Variants in SSBP2 observed in about 807,000 individuals in gnomAD.
The protein encoded by SSBP2 is single stranded DNA binding protein 2.
A neutral mutation model predicts 61.8 loss-of-function variants in SSBP2; 17 were observed. The ratio of observed to expected loss-of-function variants is 0.28; its 90% CI spans 0.19 to 0.41. The LOEUF (loss-of-function observed/expected upper bound fraction) is 0.41. Ranked by LOEUF, SSBP2 falls within the 10% of genes least tolerant of loss-of-function variation. SSBP2 has a pLI of 1.00. For missense variants in SSBP2, 310 were observed against 458.7 expected (o/e 0.68, Z 2.96); for synonymous variants, 139 against 141.3 (o/e 0.98, Z 0.12).
chr5:81,516,059 C>A (rs2154086836), intron 4 of SSBP2, among the ~76,000 whole-genome samples: 1 of 151,856 alleles, frequency 6.6e-6, no homozygotes, highest in African/African-American at 2.4e-5. Flanking sequence ...GTAAAACAAA[C>A]AAAATATATT....
At chr5:81,676,413 C>T (rs1276825527) in intron 1 of SSBP2, among the ~76,000 whole-genome samples, 2 of 152,064 alleles carry the variant, frequency 1.3e-5, no homozygotes, top group Non-Finnish European at 2.9e-5. Flanking sequence ...GGAGAGGGGC[C>T]AGATATGTAA....
rs371534607 is a variant in SSBP2 at position 81,426,544 on chromosome 5, GGGGT to G, written c.1056+2037_1056+2040del. On this transcript the variant is annotated intron_variant, in intron 16 of 16. Transcript: ENST00000320672. ...GGCAGGGAGGGTGAGCCAGAAGTTAGGGGTGGAAGAAGCCTTGTTCCAGCTGCTC... is the reference window on the plus strand; with the variant it reads ...GGCAGGGAGGGTGAGCCAGAAGTTAGGGAAGAAGCCTTGTTCCAGCTGCTC... Among the ~76,000 whole-genome samples the G allele has an allele frequency of 2.7e-4, 41 of 152,324 alleles. 1 individual carries two copies. The East Asian group carries it at 5.8e-3, about 21-fold the overall frequency.
rs377244756 is a variant in SSBP2, at chr5:81,703,914, C to CA, written c.62+47066dup. Among the ~76,000 whole-genome samples, 835 of 152,210 alleles carry CA rather than the reference C, an allele frequency of 5.5e-3. 8 individuals are homozygous for CA. Among genetic ancestry groups the CA allele is most frequent in the African/African-American group, 0.019 (772 of 41,522 alleles). ...TTGTTTTATAGTAAATAGAATGAGG[C>CA]AGAGCTGAAGATACTTGCTACCTAA... On this transcript the variant is annotated intron_variant, in intron 1 of 16. Coordinates refer to ENST00000320672, the MANE Select transcript of SSBP2 (RefSeq NM_012446.5).
At chr5:81,709,938 G>A (rs1754655654) in intron 1 of SSBP2, among the ~76,000 whole-genome samples, 6 of 151,864 alleles carry the variant, frequency 4.0e-5, no homozygotes, top group Admixed American at 3.9e-4. Context: ...AGCATATCAG[G>A]AGAAGAAAAA....
chr5:81,458,122 C>T (rs535368485), intron 10 of SSBP2, among the ~76,000 whole-genome samples: 10 of 152,260 alleles, frequency 6.6e-5, no homozygotes, highest in African/African-American at 2.4e-4. Context: ...CAAACAACCT[C>T]CCGCTCCAAA....
At chr5:81,751,326 C>G, upstream of SSBP2, 1 of 546,980 alleles carries the variant, frequency 1.8e-6, no homozygotes, top group Admixed American at 3.3e-5. Flanking sequence ...CCGCTCTCCT[C>G]CCTCCACCCG....
intron 4 of SSBP2, among the ~76,000 whole-genome samples, chr5:81,584,497 A>C (rs1484673694): frequency 6.6e-6 from 1 of 152,186 alleles, no homozygotes; most frequent in Non-Finnish European, 1.5e-5. Flanking sequence ...ATGTTGCAAG[A>C]GAACAAAATA....
chr5:81,445,665 G>T (rs751801713), intron 12 of SSBP2, among the ~76,000 whole-genome samples: 10 of 152,002 alleles, frequency 6.6e-5, no homozygotes, highest in Non-Finnish European at 1.2e-4. Context: ...TAAATTGAAA[G>T]GGCTCAAAAT....
chr5:81,748,198 T>A (rs1757475968), intron 1 of SSBP2, among the ~76,000 whole-genome samples: 1 of 152,210 alleles, frequency 6.6e-6, no homozygotes, highest in South Asian at 2.1e-4. Flanking sequence ...ATGCTATTAT[T>A]TATAATAATG....
At chr5:81,653,741 CTTCTT>C (rs1325628592) in intron 1 of SSBP2, among the ~76,000 whole-genome samples, 1 of 152,194 alleles carries the variant, frequency 6.6e-6, no homozygotes, top group South Asian at 2.1e-4. Context: ...GCATAAATGT[CTTCTT>C]TTGAGAAGTA....
chr5:81,545,934 A>G (rs2973342), intron 4 of SSBP2, among the ~76,000 whole-genome samples: 26,783 of 152,170 alleles, frequency 0.18, 3,049 homozygotes, highest in Non-Finnish European at 0.25. Flanking sequence ...AGCTAGACAG[A>G]TGAAATTTCC....
chr5:81,513,079 T>C (rs1490208616), intron 5 of SSBP2, among the ~76,000 whole-genome samples: 2 of 152,086 alleles, frequency 1.3e-5, no homozygotes, highest in African/African-American at 4.8e-5. Flanking sequence ...CTAAAATAAG[T>C]GGTCTTGTTG....
chr5:81,716,931 C>T (rs1001251626), intron 1 of SSBP2, among the ~76,000 whole-genome samples: 15 of 152,100 alleles, frequency 9.9e-5, no homozygotes, highest in Non-Finnish European at 1.9e-4. Flanking sequence ...AATTTTTATA[C>T]AATTAAGGAA....
At chr5:81,593,757 G>A (rs1005739133) in intron 4 of SSBP2, among the ~76,000 whole-genome samples, 1 of 152,152 alleles carries the variant, frequency 6.6e-6, no homozygotes, top group South Asian at 2.1e-4. Flanking sequence ...CACAAGTGAA[G>A]GAGAAATAAA....
At chr5:81,746,446 CTA>C (rs1757354418) in intron 1 of SSBP2, among the ~76,000 whole-genome samples, 1 of 151,968 alleles carries the variant, frequency 6.6e-6, no homozygotes, top group African/African-American at 2.4e-5. Flanking sequence ...GAAGAGATCT[CTA>C]TTACTTTTCT....
At chr5:81,589,887 GAGAGATCAAACT>G (rs1775364166) in intron 4 of SSBP2, among the ~76,000 whole-genome samples, 1 of 152,056 alleles carries the variant, frequency 6.6e-6, no homozygotes, top group Non-Finnish European at 1.5e-5. Context: ...GAGAGAGAGA[GAGAGATCAAACT>G]CACAGCCCCC....
At chr5:81,581,367 C>T (rs981096710) in intron 4 of SSBP2, among the ~76,000 whole-genome samples, 8 of 152,032 alleles carry the variant, frequency 5.3e-5, no homozygotes, top group East Asian at 1.9e-4. Flanking sequence ...CTAGGTGATC[C>T]GAAAAGTCAC....
At chr5:81,589,414 G>A (rs559686944) in intron 4 of SSBP2, among the ~76,000 whole-genome samples, 28 of 152,280 alleles carry the variant, frequency 1.8e-4, no homozygotes, top group Non-Finnish European at 3.7e-4. Context: ...CAGGAAGTCA[G>A]ATTATTGCTT....
At position 81,442,718 on chromosome 5, in the gene SSBP2, T is replaced by C. The variant is rs772513233; in HGVS notation, c.784A>G (p.Thr262Ala). The change falls in exon 13 of 17, where the codon ACC becomes GCC. Residue 262 changes from threonine to alanine, a missense_variant. Thr to Ala is a moderately conservative substitution (Grantham distance 58, BLOSUM62 0). Transcript: ENST00000320672. ...GTATACATGTTATCACCAGAGTTGG[T>C]TGAATCTGAAACAAAATATTACTTA... 2.8e-5 allele frequency: 44 copies of C among 1,553,334 alleles called. No individual in the cohort carries two copies. Among genetic ancestry groups the C allele is most frequent in the Middle Eastern group, 3.4e-4 (2 of 5,918 alleles).
Sources: gnomAD v4.1 joint callset for allele counts (sites outside exome capture counted in the v4.1 genomes callset) on GRCh38, gnomAD v4.1.1 for gene constraint, MANE v1.5 for transcripts, NCBI Gene and HGNC (gene_info 2026-07-23, HGNC 2026-07-21) for gene names.